The following ARB2A variants were observed in gnomAD, a reference collection of about 807,000 sequenced individuals.
ARB2A encodes the protein cotranscriptional regulator ARB2A.
chr5:93,626,812 G>A, the ARB2A span, among the ~76,000 whole-genome samples: 42 of 152,318 alleles, frequency 2.8e-4, no homozygotes, highest in African/African-American at 9.9e-4. Flanking sequence ...GATCAAGGTG[G>A]TTGTGGTAAT....
chr5:93,775,277 T>A, the ARB2A span, among the ~76,000 whole-genome samples: 43 of 152,284 alleles, frequency 2.8e-4, no homozygotes, highest in African/African-American at 8.2e-4. Flanking sequence ...TTTTCAACTT[T>A]AAGTACTCAG....
At chr5:93,807,875 C>A in the ARB2A span, among the ~76,000 whole-genome samples, 1 of 152,062 alleles carries the variant, frequency 6.6e-6, no homozygotes, top group East Asian at 1.9e-4. Flanking sequence ...AAAGAAACAT[C>A]TGAATAAAAT....
chr5:93,993,631 A>G, the ARB2A span, among the ~76,000 whole-genome samples: 3 of 152,114 alleles, frequency 2.0e-5, no homozygotes, highest in Admixed American at 6.5e-5. Context: ...ATAAAAAAAG[A>G]ACTTCCAAAA....
chr5:93,859,529 T>G, the ARB2A span, among the ~76,000 whole-genome samples: 1 of 152,040 alleles, frequency 6.6e-6, no homozygotes, highest in Admixed American at 6.6e-5. Context: ...ATACTAAAAT[T>G]AAGAATGTTT....
At chr5:93,951,764 G>A in the ARB2A span, among the ~76,000 whole-genome samples, 26 of 152,186 alleles carry the variant, frequency 1.7e-4, 1 homozygote, top group East Asian at 3.5e-3. Flanking sequence ...AGTGGCTCAC[G>A]CCTGATGTAA....
the ARB2A span, among the ~76,000 whole-genome samples, chr5:93,821,676 T>C: frequency 1.3e-5 from 2 of 152,078 alleles, no homozygotes; most frequent in Non-Finnish European, 2.9e-5. Context: ...CATTTCAATG[T>C]TTATTATTTC....
At chr5:93,991,882 T>C in the ARB2A span, among the ~76,000 whole-genome samples, 2 of 151,894 alleles carry the variant, frequency 1.3e-5, no homozygotes, top group African/African-American at 4.8e-5. Context: ...TTTTCCAGAT[T>C]TGATAAAAAC....
the ARB2A span, among the ~76,000 whole-genome samples, chr5:93,625,335 TATA>T: frequency 6.6e-6 from 1 of 152,226 alleles, no homozygotes; most frequent in Non-Finnish European, 1.5e-5. Context: ...TAATATTTGT[TATA>T]ATAGTAGCTA....
At chr5:93,644,928 T>A in the ARB2A span, among the ~76,000 whole-genome samples, 1 of 152,198 alleles carries the variant, frequency 6.6e-6, no homozygotes, top group Admixed American at 6.5e-5. Context: ...GGCTTGAGTG[T>A]GATATGATGA....
At chr5:93,999,722 T>C in the ARB2A span, among the ~76,000 whole-genome samples, 4 of 152,042 alleles carry the variant, frequency 2.6e-5, no homozygotes, top group African/African-American at 9.7e-5. Flanking sequence ...ATCTTGGTGC[T>C]GTACTTTCTA....
chr5:94,104,523 C>T, the ARB2A span, among the ~76,000 whole-genome samples: 2 of 151,848 alleles, frequency 1.3e-5, no homozygotes, highest in African/African-American at 4.8e-5. Flanking sequence ...AAAAAGCCTA[C>T]ACCCAGAAGA....
the ARB2A span, among the ~76,000 whole-genome samples, chr5:93,930,523 A>C: frequency 6.6e-6 from 1 of 152,342 alleles, no homozygotes; most frequent in African/African-American, 2.4e-5. Flanking sequence ...CAATTCAAGA[A>C]TGACTTACAT....
the ARB2A span, among the ~76,000 whole-genome samples, chr5:93,967,858 T>C: frequency 2.0e-5 from 3 of 152,064 alleles, 1 homozygote; most frequent in East Asian, 3.9e-4. Context: ...TAGAGGACTA[T>C]AGAATATCTC....
the ARB2A span, among the ~76,000 whole-genome samples, chr5:93,664,223 G>C: frequency 6.6e-6 from 1 of 152,032 alleles, no homozygotes; most frequent in African/African-American, 2.4e-5. Flanking sequence ...TAAGACTACA[G>C]GTGCGTGCCA....
the ARB2A span, chr5:93,738,076 A>C: frequency 3.2e-6 from 1 of 309,262 alleles, no homozygotes; most frequent in Non-Finnish European, 6.3e-6. Flanking sequence ...TCTATCTGAT[A>C]AGGGCTTAAT....
At chr5:93,711,650 C>A in the ARB2A span, among the ~76,000 whole-genome samples, 1 of 152,162 alleles carries the variant, frequency 6.6e-6, no homozygotes, top group African/African-American at 2.4e-5. Context: ...AGCAAAAAAA[C>A]AAACTGAGAA....
the ARB2A span, among the ~76,000 whole-genome samples, chr5:94,024,058 T>C: frequency 3.9e-5 from 6 of 152,216 alleles, no homozygotes; most frequent in Non-Finnish European, 7.3e-5. Context: ...TGAGGTCTTA[T>C]GGCATACTCA....
the ARB2A span, among the ~76,000 whole-genome samples, chr5:93,661,640 A>T: frequency 5.0e-5 from 6 of 120,820 alleles, no homozygotes; most frequent in African/African-American, 1.9e-4. Context: ...GCTAACACTA[A>T]TGGTAGCTGA....
chr5:93,758,126 C>T, the ARB2A span, among the ~76,000 whole-genome samples: 1 of 152,082 alleles, frequency 6.6e-6, no homozygotes, highest in Non-Finnish European at 1.5e-5. Context: ...AACTTTAAAG[C>T]AACAGCAGTT....
Sources: gnomAD v4.1 joint callset for allele counts (sites outside exome capture counted in the v4.1 genomes callset) on GRCh38, gnomAD v4.1.1 for gene constraint, MANE v1.5 for transcripts, NCBI Gene and HGNC (gene_info 2026-07-23, HGNC 2026-07-21) for gene names.